The following GRAMD1C variants were observed in gnomAD, a reference collection of about 807,000 sequenced individuals.
The protein encoded by GRAMD1C is GRAM domain containing 1C, also known as protein Aster-C.
A neutral mutation model predicts 97.8 loss-of-function variants in GRAMD1C; 89 were observed. That is an observed-to-expected ratio of 0.91 (90% CI 0.77 to 1.09). The LOEUF is 1.09. Among genes scored for constraint, GRAMD1C ranks in the 50% least tolerant of loss-of-function variants. The probability of loss-of-function intolerance (pLI) is 0.00; values close to 1 mark genes in which losing one functional copy is unlikely to be tolerated. For missense variants in GRAMD1C, 740 were observed against 766.4 expected (o/e 0.97, Z 0.41); for synonymous variants, 256 against 267.0 (o/e 0.96, Z 0.40).
intron 3 of GRAMD1C, among the ~76,000 whole-genome samples, chr3:113,874,799 T>G (rs552280214): frequency 2.2e-3 from 340 of 152,356 alleles, no homozygotes; most frequent in African/African-American, 7.8e-3. Flanking sequence ...ACTCTGTCTC[T>G]TACTATGGTC....
intron 10 of GRAMD1C, among the ~76,000 whole-genome samples, chr3:113,924,966 T>A (rs1243354160): frequency 6.6e-6 from 1 of 152,248 alleles, no homozygotes; most frequent in Non-Finnish European, 1.5e-5. Flanking sequence ...GTTGATTGCA[T>A]ATATACTTGG....
intron 6 of GRAMD1C, among the ~76,000 whole-genome samples, 181 bp downstream of exon 6, chr3:113,883,013 G>A (rs1935321599): frequency 6.6e-6 from 1 of 151,748 alleles, no homozygotes; most frequent in South Asian, 2.1e-4. Flanking sequence ...TAATCCCCAG[G>A]ATAATCACCA....
chr3:113,837,979 AC>A (rs1253393761), upstream of GRAMD1C, among the ~76,000 whole-genome samples: 1 of 152,222 alleles, frequency 6.6e-6, no homozygotes, highest in Admixed American at 6.5e-5. Context: ...GGTTGTGGAT[AC>A]CAAGGTTTTA....
At chr3:113,885,049 C>T (rs948984118) in intron 6 of GRAMD1C, among the ~76,000 whole-genome samples, 10 of 151,362 alleles carry the variant, frequency 6.6e-5, no homozygotes, top group African/African-American at 2.2e-4. Flanking sequence ...TCCCCGAAGG[C>T]GTCGGTGCCA....
rs568630542 is a variant in GRAMD1C, at chr3:113,940,667, C to T, written c.1908+322C>T. Among the ~76,000 whole-genome samples, 4 of 151,984 alleles carry T rather than the reference C, an allele frequency of 2.6e-5. No homozygotes were observed. The South Asian group carries it at 6.2e-4, about 24-fold the overall frequency. Reference sequence around the variant, plus strand: ...TTTATTGATCTTTCTAAATAAAATTCGATGCATAATATTAAGCTCTTTTTA... The same window carrying T: ...TTTATTGATCTTTCTAAATAAAATTTGATGCATAATATTAAGCTCTTTTTA... On this transcript the variant is annotated intron_variant, in intron 17 of 17. Transcript: ENST00000358160.
intron 1 of GRAMD1C, among the ~76,000 whole-genome samples, chr3:113,842,736 G>A (rs1933394857): frequency 6.6e-6 from 1 of 152,124 alleles, no homozygotes; most frequent in Admixed American, 6.6e-5. Context: ...GCTTAGGTGG[G>A]CTGATCACGT....
Position 113,933,603 on chromosome 3 carries a change from C to T in GRAMD1C, c.1302C>T (p.Thr434=), listed in dbSNP as rs146998067. 37 of 1,601,784 alleles carry T rather than the reference C, an allele frequency of 2.3e-5. No individual in the cohort carries two copies. Among genetic ancestry groups the T allele is most frequent in the East Asian group, 4.5e-5 (2 of 44,798 alleles). Residue 434 remains threonine (T), a synonymous_variant, in exon 12 of 18, where the codon ACC becomes ACT. Coordinates refer to ENST00000358160, the MANE Select transcript of GRAMD1C (RefSeq NM_017577.5). ...TCCCCTACCATGATTACTTCTATAC[C>T]GTGAACAGATACTGTATCATCCGAT... ...HDVPYHDYFY[T]VNRYCIIRSS...
At chr3:113,848,898 G>T (rs1189485111) in intron 2 of GRAMD1C, among the ~76,000 whole-genome samples, 1 of 152,190 alleles carries the variant, frequency 6.6e-6, no homozygotes, top group Non-Finnish European at 1.5e-5. Flanking sequence ...TAAAAATTAT[G>T]TGAAATGATG....
rs541988201 is a variant in GRAMD1C, at chr3:113,884,554, C to T, written c.540+1722C>T. Among the ~76,000 whole-genome samples, 4 of 152,206 alleles carry T rather than the reference C, an allele frequency of 2.6e-5. No individual in the cohort carries two copies. In the South Asian group the frequency reaches 6.2e-4, roughly 24 times the overall value. On this transcript the variant is annotated intron_variant, in intron 6 of 17. Transcript: ENST00000358160. ...ATTTCTGCCTTAAGAAATTAGAGGC[C>T]GGGCGCGGTGGCTCACACCTGTAAT...
chr3:113,895,082 A>C (rs1200081932), intron 6 of GRAMD1C, among the ~76,000 whole-genome samples: 1 of 152,198 alleles, frequency 6.6e-6, no homozygotes, highest in Admixed American at 6.5e-5. Flanking sequence ...GTAGAGTTGC[A>C]GAGGCAGACT....
Position 113,930,766 on chromosome 3 carries a change from G to A in GRAMD1C, c.1143G>A (p.Thr381=), listed in dbSNP as rs925704276. Residue 381 remains threonine (T), a synonymous_variant, in exon 11 of 18, where the codon ACG becomes ACA. Coordinates refer to ENST00000358160, the MANE Select transcript of GRAMD1C (RefSeq NM_017577.5). The part of the protein sequence containing the change: ...TAELGGDQLR[T]MTYTIVLNSP... ...AACTTGGAGGTGATCAGCTGAGAAC[G>A]ATGACCTACACTATAGTCCTTAATA... The A allele has an allele frequency of 6.8e-6, 11 of 1,612,096 alleles. No individual in the cohort carries two copies. Among genetic ancestry groups the A allele is most frequent in the African/African-American group, 1.3e-5 (1 of 74,836 alleles).
intron 1 of GRAMD1C, among the ~76,000 whole-genome samples, chr3:113,840,767 C>A (rs1036181156): frequency 6.6e-6 from 1 of 152,096 alleles, no homozygotes; most frequent in Non-Finnish European, 1.5e-5. Flanking sequence ...GAAATTTAAC[C>A]AAGGTGGTAG....
chr3:113,886,250 T>A (rs1477016036), intron 6 of GRAMD1C, among the ~76,000 whole-genome samples: 1 of 152,152 alleles, frequency 6.6e-6, no homozygotes, highest in Non-Finnish European at 1.5e-5. Flanking sequence ...TAACTTCATG[T>A]TCACACTCCA....
At chr3:113,907,259 A>G (rs776120991) in intron 8 of GRAMD1C, among the ~76,000 whole-genome samples, 5 of 152,162 alleles carry the variant, frequency 3.3e-5, no homozygotes, top group Non-Finnish European at 7.4e-5. Context: ...TGTTGGGAAA[A>G]CATTGAATGA....
intron 6 of GRAMD1C, chr3:113,890,585 A>G (rs1033120409): frequency 1.8e-6 from 1 of 548,174 alleles, no homozygotes; most frequent in African/African-American, 1.9e-5. Context: ...TGAAAACTCC[A>G]GTGTTGCCAT....
chr3:113,935,324 G>A (rs1329090674), intron 13 of GRAMD1C, among the ~76,000 whole-genome samples: 1 of 151,902 alleles, frequency 6.6e-6, no homozygotes, highest in East Asian at 1.9e-4. Flanking sequence ...GAGTCCTCGG[G>A]GCTACCTTCC....
At chr3:113,831,603 C>A (rs1709558751) in intron 1 of GRAMD1C, among the ~76,000 whole-genome samples, 1 of 152,046 alleles carries the variant, frequency 6.6e-6, no homozygotes, top group African/African-American at 2.4e-5. Flanking sequence ...GGGTTCTGTT[C>A]ATTTTTCTTC....
At chr3:113,833,313 T>A (rs1271054248) in intron 1 of GRAMD1C, among the ~76,000 whole-genome samples, 2 of 151,882 alleles carry the variant, frequency 1.3e-5, no homozygotes, top group East Asian at 3.9e-4. Flanking sequence ...AATTTTTGTA[T>A]TTTTAGTAGA....
intron 6 of GRAMD1C, among the ~76,000 whole-genome samples, chr3:113,892,121 C>T (rs187390277): frequency 4.5e-4 from 69 of 152,026 alleles, no homozygotes; most frequent in African/African-American, 1.7e-3. Context: ...AGACTTGGAG[C>T]CAAATATGTT....
Sources: allele counts gnomAD v4.1 joint callset (sites outside exome capture counted in the v4.1 genomes callset), GRCh38; gene constraint gnomAD v4.1.1; transcripts MANE v1.5; gene names NCBI Gene and HGNC (gene_info 2026-07-23, HGNC 2026-07-21).